Variants in LPL observed in about 807,000 individuals in gnomAD.
The protein encoded by LPL is phospholipase A1.
Under a neutral mutation model 52.2 loss-of-function variants are expected in LPL, and 43 were observed. That is an observed-to-expected ratio of 0.82 (90% CI 0.64 to 1.06). LPL has a LOEUF of 1.06. LPL is among the 50% of genes least tolerant of loss of function. LPL has a pLI of 0.00. For synonymous variants in LPL, 244 were observed against 215.6 expected, an observed-to-expected ratio of 1.13 and a Z score of -1.15; for missense variants, 639 against 585.3, an observed-to-expected ratio of 1.09 and a Z score of -0.95.
At chr8:19,951,704 G>A (rs1371368390) in intron 2 of LPL, 65 bp from the exon 3 acceptor site, 4 of 1,561,520 alleles carry the variant, frequency 2.6e-6, no homozygotes, top group Non-Finnish European at 3.5e-6. Flanking sequence ...CAGGTGTATT[G>A]GGCTGATGTA....
At chr8:19,940,927 TA>T (rs150730448) in intron 1 of LPL, among the ~76,000 whole-genome samples, 19 of 148,614 alleles carry the variant, frequency 1.3e-4, no homozygotes, top group Admixed American at 1.3e-4. Context: ...ACCGTCTCTA[TA>T]AAAAAAAAAT....
intron 3 of LPL, among the ~76,000 whole-genome samples, chr8:19,953,037 A>G (rs2069949141): frequency 1.3e-5 from 2 of 152,218 alleles, no homozygotes; most frequent in African/African-American, 4.8e-5. Flanking sequence ...ATACTATTTC[A>G]GATGCATGGA....
At chr8:19,962,323 C>A in intron 9 of LPL, 104 bp downstream of exon 9, 1 of 826,354 alleles carries the variant, frequency 1.2e-6, no homozygotes, top group Non-Finnish European at 2.1e-6. Context: ...CTTGCCCTGA[C>A]TCATGTGATC....
rs10645926 is a variant in LPL at position 19,967,115 on chromosome 8, C to CT, written c.*1806dup. Reference sequence around the variant, plus strand: ...TGCATTTATAAATGTGTGGTGCTAACTGTATGTGTCTTTATCAGTGATGGT... The same window carrying CT: ...TGCATTTATAAATGTGTGGTGCTAACTTGTATGTGTCTTTATCAGTGATGGT... On this transcript the variant is annotated 3_prime_UTR_variant, in exon 10 of 10. Transcript: ENST00000650287. The CT allele has an allele frequency of 8.8e-4, 135 of 152,592 alleles. No homozygotes were observed. Among genetic ancestry groups the CT allele is most frequent in the African/African-American group, 2.9e-3 (122 of 41,464 alleles). The allele number at this position is 152,592 out of a possible 1,614,324, so 9.5% of individuals were successfully genotyped here.
In LPL at chr8:19,960,988, G is replaced by T. The variant is rs118204066; in HGVS notation, c.1227G>T (p.Trp409Cys). The T allele has an allele frequency of 6.2e-7, 1 of 1,614,032 alleles. No individual in the cohort carries two copies. The highest frequency in any genetic ancestry group is 8.5e-7 in the Non-Finnish European group (1 of 1,179,924). The change falls in exon 8 of 10, where the codon TGG becomes TGT. Residue 409 changes from tryptophan (W) to cysteine (C), a missense_variant. Coordinates refer to ENST00000650287, the MANE Select transcript of LPL (RefSeq NM_000237.3). Reference sequence around the variant, plus strand: ...AACTACTCATGTTGAAGCTCAAATGGAAGAGTGATTCATACTTTAGCTGGT... The same window carrying T: ...AACTACTCATGTTGAAGCTCAAATGTAAGAGTGATTCATACTTTAGCTGGT... Reference protein sequence around the residue: ...IGELLMLKLKWKSDSYFSWSD... With the variant: ...IGELLMLKLKCKSDSYFSWSD...
At position 19,965,399 on chromosome 8, in the gene LPL, G is replaced by A; in HGVS notation, c.*89G>A. Reference sequence around the variant, plus strand: ...GTAACTTTTACAAAACATACCCAGTGTTTGGGGTGTTTCAAAAGTGGATTT... The same window carrying A: ...GTAACTTTTACAAAACATACCCAGTATTTGGGGTGTTTCAAAAGTGGATTT... On this transcript the variant is annotated 3_prime_UTR_variant, in exon 10 of 10. Coordinates refer to ENST00000650287, the MANE Select transcript of LPL (RefSeq NM_000237.3). 1.3e-6 allele frequency: 1 copy of A among 770,952 alleles called. No individual in the cohort carries two copies. The highest frequency in any genetic ancestry group is 1.7e-5 in the African/African-American group (1 of 58,930). 47.8% of individuals were successfully genotyped at this position (770,952 alleles called of 1,614,324 possible).
chr8:19,961,065 C>G lies in LPL; in HGVS notation c.1304C>G (p.Ala435Gly). 6.2e-7 allele frequency: 1 copy of G among 1,614,044 alleles called. No individual in the cohort carries two copies. Among genetic ancestry groups the G allele is most frequent in the Non-Finnish European group, 8.5e-7 (1 of 1,180,022 alleles). The change falls in exon 8 of 10, where the codon GCA becomes GGA. Residue 435 changes from alanine to glycine, a missense_variant. Transcript: ENST00000650287. ...GCCATTCAGAAGATCAGAGTAAAAG[C>G]AGGAGAGACTCAGAAAAAGTAATTA... ...GFAIQKIRVK[A>G]GETQKKVIFC...
At position 19,956,040 on chromosome 8, in the gene LPL, C is replaced by G. The variant is rs761265900; in HGVS notation, c.975C>G (p.Ser325Arg). 1.9e-6 allele frequency: 3 copies of G among 1,614,038 alleles called. No homozygotes were observed. In the East Asian group the frequency reaches 6.7e-5, roughly 36 times the overall value. Residue 325 changes from serine to arginine, a missense_variant, in exon 6 of 10, where the codon AGC becomes AGG. Coordinates refer to ENST00000650287, the MANE Select transcript of LPL (RefSeq NM_000237.3). ...YEINKVRAKRSSKMYLKTRSQ... is the reference protein window; with the variant it reads ...YEINKVRAKRRSKMYLKTRSQ... ...TCAATAAAGTCAGAGCCAAAAGAAGCAGCAAAATGTACCTGAAGACTCGTT... is the reference window on the plus strand; with the variant it reads ...TCAATAAAGTCAGAGCCAAAAGAAGGAGCAAAATGTACCTGAAGACTCGTT...
chr8:19,960,828 G>A (rs1365704014), intron 7 of LPL, 73 bp from the exon 8 acceptor site: 4 of 1,050,856 alleles, frequency 3.8e-6, no homozygotes, highest in East Asian at 4.7e-5. Context: ...TATATTTGGA[G>A]AGGAGAAAAA....
Position 19,950,600 on chromosome 8 carries a change from G to A in LPL, c.250-1169G>A, listed in dbSNP as rs888949921. Among the ~76,000 whole-genome samples, 2 of 152,158 alleles carry A rather than the reference G, an allele frequency of 1.3e-5. No individual in the cohort carries two copies. Among genetic ancestry groups the A allele is most frequent in the Admixed American group, 1.3e-4 (2 of 15,274 alleles). ...AGATCACTGGAGGTCAGGAGTTTGAGACCAACCTGGCCAACATGGGGAAAC... is the reference window on the plus strand; with the variant it reads ...AGATCACTGGAGGTCAGGAGTTTGAAACCAACCTGGCCAACATGGGGAAAC... On this transcript the variant is annotated intron_variant, in intron 2 of 9. Coordinates refer to ENST00000650287, the MANE Select transcript of LPL (RefSeq NM_000237.3). This position sits in a 1 kb window ranked among gnomAD's most constrained non-coding sequence, Gnocchi z 4.2.
Position 19,955,883 on chromosome 8 carries a change from A to G in LPL, c.818A>G (p.His273Arg), listed in dbSNP as rs773407951. ...AAGTGCTCCCACGAGCGCTCCATTC[A>G]TCTCTTCATCGACTCTCTGTTGAAT... ...LVKCSHERSI[H>R]LFIDSLLNEE... Residue 273 changes from histidine (H) to arginine (R), a missense_variant, in exon 6 of 10, where the codon CAT becomes CGT. Coordinates refer to ENST00000650287, the MANE Select transcript of LPL (RefSeq NM_000237.3). 10 of 1,614,088 alleles carry G rather than the reference A, an allele frequency of 6.2e-6. No individual in the cohort carries two copies. The highest frequency in any genetic ancestry group is 1.6e-4 in the Middle Eastern group (1 of 6,084).
chr8:19,961,702 CAAAA>C (rs324), intron 8 of LPL, among the ~76,000 whole-genome samples: 9 of 142,642 alleles, frequency 6.3e-5, no homozygotes, highest in South Asian at 2.3e-4. Context: ...AACAAACAAA[CAAAA>C]AAAAAAAGAA....
chr8:19,943,734 C>T (rs1395923758), intron 1 of LPL, among the ~76,000 whole-genome samples: 1 of 152,204 alleles, frequency 6.6e-6, no homozygotes, highest in Admixed American at 6.5e-5. Flanking sequence ...TGGTCTCATT[C>T]AGTGGGGCAA....
chr8:19,957,804 T>A (rs989363551), intron 6 of LPL, among the ~76,000 whole-genome samples: 2 of 152,084 alleles, frequency 1.3e-5, no homozygotes, highest in Admixed American at 1.3e-4. Flanking sequence ...TTATTAAAAA[T>A]TTTTTCACCT....
chr8:19,963,703 G>T (rs920452066), intron 9 of LPL, among the ~76,000 whole-genome samples: 1 of 152,054 alleles, frequency 6.6e-6, no homozygotes, highest in Admixed American at 6.6e-5. Context: ...GAATTATGGT[G>T]TATATACTCT....
rs574778167 is a variant in LPL at position 19,960,849 on chromosome 8, G to A, written c.1140-52G>A. The A allele has an allele frequency of 6.1e-5, 82 of 1,335,250 alleles. 1 individual carries two copies. Among genetic ancestry groups the A allele is most frequent in the Admixed American group, 3.5e-4 (21 of 59,510 alleles). 82.7% of individuals were successfully genotyped at this position (1,335,250 alleles called of 1,614,324 possible). A position where few individuals can be genotyped will look rare whatever the true frequency, so the allele number is the denominator to read the frequency against. ...TGGAGAGGAGAAAAAAAAGTGGGGG[G>A]CAGGGAGAGCTGATCTCTATAACTA... On this transcript the variant is annotated intron_variant, in intron 7 of 9. Coordinates refer to ENST00000650287, the MANE Select transcript of LPL (RefSeq NM_000237.3).
At chr8:19,956,599 C>G (rs2069988208) in intron 6 of LPL, among the ~76,000 whole-genome samples, 1 of 152,116 alleles carries the variant, frequency 6.6e-6, no homozygotes. Flanking sequence ...TCCTGAAGCT[C>G]TCCCTCCTCC....
At chr8:19,956,331 A>G (rs978058942) in intron 6 of LPL, among the ~76,000 whole-genome samples, 1 of 152,198 alleles carries the variant, frequency 6.6e-6, no homozygotes, top group Non-Finnish European at 1.5e-5. Context: ...CCTCCCCTGT[A>G]AATGTGGCCA....
At chr8:19,942,837 C>T (rs2069852067) in intron 1 of LPL, among the ~76,000 whole-genome samples, 1 of 152,182 alleles carries the variant, frequency 6.6e-6, no homozygotes, top group Non-Finnish European at 1.5e-5. Context: ...CAGGTATCTA[C>T]TAGGAAGGAA....
Sources: allele counts gnomAD v4.1 joint callset (sites outside exome capture counted in the v4.1 genomes callset), GRCh38; gene constraint gnomAD v4.1.1; non-coding constraint Gnocchi (gnomAD v3.1); transcripts MANE v1.5; gene names NCBI Gene and HGNC (gene_info 2026-07-23, HGNC 2026-07-21).